Variants in SPAG17 observed in about 807,000 individuals in gnomAD.
SPAG17 encodes the protein sperm-associated antigen 17.
SPAG17 carries 169 observed loss-of-function variants against 273.6 expected under a neutral mutation model. That is an observed-to-expected ratio of 0.62 (90% CI 0.55 to 0.70). The LOEUF is 0.70. Among genes scored for constraint, SPAG17 ranks in the 30% least tolerant of loss-of-function variants. The pLI is 0.00. For synonymous variants in SPAG17, 825 were observed against 873.2 expected (o/e 0.94, Z 0.97); for missense variants, 2,557 against 2,627.8 (o/e 0.97, Z 0.59).
chr1:118,123,959 A>C (rs1256694950), intron 3 of SPAG17, among the ~76,000 whole-genome samples: 2 of 152,220 alleles, frequency 1.3e-5, no homozygotes, highest in Non-Finnish European at 2.9e-5. Context: ...CATTTTGAAC[A>C]ACCAATATGT....
At chr1:117,958,836 G>T in intron 48 of SPAG17, 1 of 942,362 alleles carries the variant, frequency 1.1e-6, no homozygotes, top group Non-Finnish European at 1.6e-6. Flanking sequence ...TATTGTGTCT[G>T]TTTACTGTTT....
intron 10 of SPAG17, among the ~76,000 whole-genome samples, chr1:118,090,243 T>C (rs898625568): frequency 1.8e-4 from 28 of 152,188 alleles, no homozygotes; most frequent in African/African-American, 6.0e-4. Context: ...AATCACAAAC[T>C]CTTTCAGATA....
At chr1:118,097,468 T>C (rs1655785314) in intron 7 of SPAG17, among the ~76,000 whole-genome samples, 1 of 152,242 alleles carries the variant, frequency 6.6e-6, no homozygotes, top group Non-Finnish European at 1.5e-5. Context: ...TATTTGTTGT[T>C]AATTCACACA....
At chr1:118,024,309 C>T (rs1462628716) in intron 27 of SPAG17, among the ~76,000 whole-genome samples, 1 of 152,032 alleles carries the variant, frequency 6.6e-6, no homozygotes, top group Admixed American at 6.6e-5. Flanking sequence ...TCTACCCCTT[C>T]CCATTTTTGA....
intron 48 of SPAG17, among the ~76,000 whole-genome samples, chr1:117,956,178 G>A (rs1003323071): frequency 1.3e-5 from 2 of 152,004 alleles, no homozygotes; most frequent in African/African-American, 4.8e-5. Flanking sequence ...TTATTTTACT[G>A]GTTTTTAAAG....
chr1:118,179,748 A>C (rs1204102442), intron 1 of SPAG17, among the ~76,000 whole-genome samples: 1 of 152,046 alleles, frequency 6.6e-6, no homozygotes, highest in Non-Finnish European at 1.5e-5. Flanking sequence ...AAATAGGAAA[A>C]AACCCCAAAT....
At chr1:118,107,206 A>C (rs189181116) in intron 4 of SPAG17, among the ~76,000 whole-genome samples, 17 of 152,222 alleles carry the variant, frequency 1.1e-4, no homozygotes, top group Admixed American at 1.1e-3. Flanking sequence ...TTTTATTTCC[A>C]TGATACTCTT....
chr1:117,988,215 A>G lies in SPAG17; in HGVS notation c.5522-11T>C. On this transcript the variant is annotated splice_polypyrimidine_tract_variant and intron_variant, in intron 38 of 48. Coordinates refer to ENST00000336338, the MANE Select transcript of SPAG17 (RefSeq NM_206996.4). The stretch of plus-strand genomic sequence containing the variant: ...TTAGGTGAGCTGCAACTTTAAACAT[A>G]GATGTATTTAACTTTTATCCCCACT... 1 of 1,575,522 alleles carries G rather than the reference A, an allele frequency of 6.3e-7. No individual in the cohort carries two copies. Among genetic ancestry groups the G allele is most frequent in the East Asian group, 2.3e-5 (1 of 44,436 alleles).
At chr1:118,125,445 C>T (rs188852291) in intron 3 of SPAG17, among the ~76,000 whole-genome samples, 40 of 152,166 alleles carry the variant, frequency 2.6e-4, no homozygotes, top group African/African-American at 9.6e-4. Flanking sequence ...CTATATTCAC[C>T]TACAGTGCTA....
At chr1:118,069,073 T>C (rs1653290245) in intron 17 of SPAG17, among the ~76,000 whole-genome samples, 1 of 152,006 alleles carries the variant, frequency 6.6e-6, no homozygotes, top group African/African-American at 2.4e-5. Context: ...AGGCCGGGTG[T>C]GGTGGCTCAC....
At chr1:118,147,319 C>G (rs961929304) in intron 3 of SPAG17, among the ~76,000 whole-genome samples, 1 of 152,124 alleles carries the variant, frequency 6.6e-6, no homozygotes. Flanking sequence ...AGGCAATAAG[C>G]GTATATTTTC....
chr1:118,146,576 G>T (rs1481480524), intron 3 of SPAG17, among the ~76,000 whole-genome samples: 2 of 152,094 alleles, frequency 1.3e-5, no homozygotes, highest in Admixed American at 6.5e-5. Flanking sequence ...TACAAATGTA[G>T]TACACATTAA....
At chr1:118,078,872 A>G (rs1654316171) in intron 15 of SPAG17, among the ~76,000 whole-genome samples, 1 of 152,026 alleles carries the variant, frequency 6.6e-6, no homozygotes, top group Non-Finnish European at 1.5e-5. Flanking sequence ...TATTGATTTT[A>G]CAATGTATAT....
In SPAG17 at chr1:118,023,481, G is replaced by A; in HGVS notation, c.3910-18C>T. On this transcript the variant is annotated intron_variant, in intron 27 of 48. Coordinates refer to ENST00000336338, the MANE Select transcript of SPAG17 (RefSeq NM_206996.4). Reference sequence around the variant, plus strand: ...AAGAGAATCTGAAGAATGAACAAAAGTTTTCAGCATTCTCAGAAGCAAGAG... The same window carrying A: ...AAGAGAATCTGAAGAATGAACAAAAATTTTCAGCATTCTCAGAAGCAAGAG... 1 of 1,597,968 alleles carries A rather than the reference G, an allele frequency of 6.3e-7. No individual in the cohort carries two copies. Among genetic ancestry groups the A allele is most frequent in the African/African-American group, 1.3e-5 (1 of 74,398 alleles).
At chr1:118,097,976 A>C (rs376735925) in intron 6 of SPAG17, 125 bp from the exon 7 acceptor site, 6 of 521,944 alleles carry the variant, frequency 1.1e-5, no homozygotes, top group African/African-American at 3.9e-5. Flanking sequence ...TAAATAAAGG[A>C]ATGTAATTTT....
At chr1:118,173,537 C>G (rs1367733678) in intron 1 of SPAG17, among the ~76,000 whole-genome samples, 1 of 152,100 alleles carries the variant, frequency 6.6e-6, no homozygotes, top group Non-Finnish European at 1.5e-5. Flanking sequence ...CAATGGCACA[C>G]TCATGGATGC....
Position 118,066,684 on chromosome 1 carries a change from A to C in SPAG17, c.2540+61T>G, listed in dbSNP as rs1653008822. On this transcript the variant is annotated intron_variant, in intron 18 of 48. Transcript: ENST00000336338. ...TAAGGAACTAACACCTAAGTAACTA[A>C]GTAACTGGCAAGCTAACTAAACCCA... The C allele has an allele frequency of 6.2e-6, 9 of 1,447,988 alleles. No individual in the cohort carries two copies. The Admixed American group carries it at 1.6e-4, about 26-fold the overall frequency. 89.7% of individuals were successfully genotyped at this position (1,447,988 alleles called of 1,614,324 possible). A position where few individuals can be genotyped will look rare whatever the true frequency, so the allele number is the denominator to read the frequency against.
chr1:118,003,317 C>T (rs952666138), intron 32 of SPAG17, among the ~76,000 whole-genome samples: 10 of 152,140 alleles, frequency 6.6e-5, no homozygotes, highest in Non-Finnish European at 1.3e-4. Context: ...TTGCTCTTCT[C>T]GAGGAGTATC....
chr1:118,148,300 T>C (rs970616965), intron 3 of SPAG17, among the ~76,000 whole-genome samples: 1 of 152,104 alleles, frequency 6.6e-6, no homozygotes. Flanking sequence ...GTGTTACAGC[T>C]CTTAAAGTTG....
Sources: gnomAD v4.1 joint callset for allele counts (sites outside exome capture counted in the v4.1 genomes callset) on GRCh38, gnomAD v4.1.1 for gene constraint, MANE v1.5 for transcripts, NCBI Gene and HGNC (gene_info 2026-07-23, HGNC 2026-07-21) for gene names.